Variants in NAV2 observed in about 807,000 individuals in gnomAD.
NAV2 encodes the protein helicase, APC down-regulated 1.
NAV2 carries 54 observed loss-of-function variants against 223.2 expected under a neutral mutation model. That is an observed-to-expected ratio of 0.24 (90% confidence interval 0.19 to 0.30). NAV2 has a LOEUF of 0.30. NAV2 is among the 10% of genes least tolerant of loss of function. The pLI, the probability that NAV2 is intolerant of heterozygous loss-of-function variation, is 1.00. For missense variants in NAV2, 2,806 were observed against 3,147.5 expected (o/e 0.89, Z 2.60); for synonymous variants, 1,279 against 1,239.3 (o/e 1.03, Z -0.67).
intron 36 of NAV2, among the ~76,000 whole-genome samples, chr11:20,108,773 T>C (rs2062383162): frequency 6.6e-6 from 1 of 152,180 alleles, no homozygotes; most frequent in African/African-American, 2.4e-5. Context: ...AATTCTTTAC[T>C]TCTCACTTGA....
At position 20,044,191 on chromosome 11, in the gene NAV2, G is replaced by T; in HGVS notation, c.3118G>T (p.Gly1040Cys). 6.2e-7 allele frequency: 1 copy of T among 1,614,230 alleles called. No individual in the cohort carries two copies. The highest frequency in any genetic ancestry group is 8.5e-7 in the Non-Finnish European group (1 of 1,180,042). Residue 1040 changes from glycine (G) to cysteine (C), a missense_variant, in exon 13 of 38, where the codon GGC becomes TGC. By Grantham distance (159) the Gly-to-Cys change is radical (BLOSUM62 -3). This residue lies in a region of NAV2 where 742 missense variants were observed against 777.9 expected (regional missense o/e 0.95). Transcript: ENST00000349880. ...VISQTGSWRR[G>C]MTAQVGITMP... ...CTCCCAGACAGGCTCATGGCGGCGA[G>T]GCATGACAGCTCAGGTGGGCATCAC...
At chr11:19,794,846 CATTT>C (rs763934320) in intron 1 of NAV2, among the ~76,000 whole-genome samples, 10 of 152,172 alleles carry the variant, frequency 6.6e-5, no homozygotes, top group African/African-American at 1.2e-4. Context: ...AGTTAATATT[CATTT>C]ATTTGAATAA....
intron 11 of NAV2, among the ~76,000 whole-genome samples, chr11:20,014,470 T>C (rs2053839019): frequency 1.3e-5 from 2 of 152,238 alleles, no homozygotes. Context: ...TAAAAGACCA[T>C]GGCTAGGTGT....
chr11:19,707,186 G>A (rs1032093049), intron 1 of NAV2, among the ~76,000 whole-genome samples: 1 of 152,102 alleles, frequency 6.6e-6, no homozygotes, highest in Non-Finnish European at 1.5e-5. Flanking sequence ...TATTAACACT[G>A]TACACTTAGG....
intron 6 of NAV2, among the ~76,000 whole-genome samples, chr11:19,926,347 C>T (rs2044749139): frequency 6.6e-6 from 1 of 152,136 alleles, no homozygotes; most frequent in Admixed American, 6.5e-5. Flanking sequence ...TTTGTTTGTC[C>T]TCGTGCCCCG....
chr11:20,007,042 C>T (rs948442151), intron 11 of NAV2, among the ~76,000 whole-genome samples: 3 of 151,970 alleles, frequency 2.0e-5, no homozygotes, highest in Non-Finnish European at 2.9e-5. Context: ...CTGCAACCTC[C>T]GCCTCCCAGG....
intron 11 of NAV2, among the ~76,000 whole-genome samples, chr11:19,987,195 T>C (rs1028913477): frequency 1.3e-5 from 2 of 152,212 alleles, no homozygotes; most frequent in African/African-American, 4.8e-5. Context: ...ACAAAGGTAG[T>C]ATGCAAGTGG....
intron 5 of NAV2, among the ~76,000 whole-genome samples, chr11:19,885,542 C>T (rs891148437): frequency 6.6e-6 from 1 of 152,188 alleles, no homozygotes; most frequent in Non-Finnish European, 1.5e-5. Flanking sequence ...TCTTATATTT[C>T]ATTGAATTCC....
chr11:19,848,476 T>A (rs2060930161), intron 3 of NAV2, among the ~76,000 whole-genome samples: 1 of 152,172 alleles, frequency 6.6e-6, no homozygotes, highest in South Asian at 2.1e-4. Context: ...CTCTTTTCTG[T>A]GAAGTCGGAT....
At chr11:19,618,409 G>T (rs200743514) in intron 1 of NAV2, among the ~76,000 whole-genome samples, 8 of 10,266 alleles carry the variant, frequency 7.8e-4, no homozygotes, top group African/African-American at 2.4e-3. Flanking sequence ...TAGATGGATG[G>T]ATGGATGGAT....
In NAV2 at chr11:19,866,410, A is replaced by G. The variant is rs1037180441; in HGVS notation, c.439-2515A>G. 3.3e-5 allele frequency among the ~76,000 whole-genome samples: 5 copies of G among 152,322 alleles called. No individual in the cohort carries two copies. The South Asian group carries it at 1.0e-3, about 32-fold the overall frequency. The stretch of plus-strand genomic sequence containing the variant: ...GAGAACTACTGATCAAAATTATAAA[A>G]TTCTGGGAAAAAAATGACAGGACTT... On this transcript the variant is annotated intron_variant, in intron 3 of 37. Coordinates refer to ENST00000349880, the MANE Select transcript of NAV2 (RefSeq NM_145117.5).
chr11:19,799,099 C>T (rs2058081728), intron 1 of NAV2, among the ~76,000 whole-genome samples: 1 of 152,114 alleles, frequency 6.6e-6, no homozygotes, highest in African/African-American at 2.4e-5. Context: ...TATTGAAAGT[C>T]CTAACAGAAG....
At chr11:19,356,743 A>T (rs1853644706) in intron 1 of NAV2, among the ~76,000 whole-genome samples, 1 of 152,148 alleles carries the variant, frequency 6.6e-6, no homozygotes, top group Admixed American at 6.5e-5. Flanking sequence ...ATGAAACCTT[A>T]ACCCCCACTG....
At chr11:19,831,347 A>G (rs2059931917) in intron 1 of NAV2, among the ~76,000 whole-genome samples, 1 of 151,758 alleles carries the variant, frequency 6.6e-6, no homozygotes, top group South Asian at 2.1e-4. Flanking sequence ...TCTGGGAGTC[A>G]CATGGATCCT....
intron 1 of NAV2, among the ~76,000 whole-genome samples, chr11:19,692,437 T>C (rs2049205216): frequency 6.6e-6 from 1 of 152,246 alleles, no homozygotes; most frequent in African/African-American, 2.4e-5. Context: ...ATATGACTTA[T>C]CTGGAAACAT....
chr11:19,407,967 G>GCGT (rs1424401886), intron 1 of NAV2, among the ~76,000 whole-genome samples: 1 of 152,138 alleles, frequency 6.6e-6, no homozygotes, highest in East Asian at 1.9e-4. Context: ...CCCCCAAGAT[G>GCGT]CGTACTCCCA....
chr11:19,561,625 G>T lies in NAV2; in HGVS notation c.75+210598G>T, dbSNP rs538472565. Among the ~76,000 whole-genome samples, 9 of 152,104 alleles carry T rather than the reference G, an allele frequency of 5.9e-5. No individual in the cohort carries two copies. In the East Asian group the frequency reaches 1.7e-3, roughly 29 times the overall value. ...TCTGTTTAATTTAGATATGTGTTTG[G>T]GGACTCCCTGAGATCTAAGTTAAAT... On this transcript the variant is annotated intron_variant, in intron 1 of 37. Coordinates refer to the NAV2 transcript ENST00000360655.
At chr11:19,869,931 A>G (rs1248455964) in intron 4 of NAV2, among the ~76,000 whole-genome samples, 1 of 152,226 alleles carries the variant, frequency 6.6e-6, no homozygotes, top group Non-Finnish European at 1.5e-5. Context: ...TTGCTCTGCT[A>G]CACGGTGAAA....
chr11:19,385,855 G>A (rs1203942611), intron 1 of NAV2, among the ~76,000 whole-genome samples: 1 of 147,664 alleles, frequency 6.8e-6, no homozygotes, highest in Non-Finnish European at 1.5e-5. Flanking sequence ...TCCGCCTCCT[G>A]GGTTCACGCC....
Sources: allele counts gnomAD v4.1 joint callset (sites outside exome capture counted in the v4.1 genomes callset), GRCh38; gene constraint gnomAD v4.1.1; regional missense constraint gnomAD v4.1.1; transcripts MANE v1.5; gene names NCBI Gene and HGNC (gene_info 2026-07-23, HGNC 2026-07-21).